Variants in PECR observed in about 807,000 individuals in gnomAD.
PECR encodes the protein peroxisomal trans-2-enoyl-CoA reductase.
PECR carries 30 observed loss-of-function variants against 35.3 expected under a neutral mutation model. The observed-to-expected ratio is 0.85, with a 90% CI of 0.64 to 1.15. The LOEUF (loss-of-function observed/expected upper bound fraction) is 1.15. PECR is among the 50% of genes most tolerant of loss of function. The pLI is 0.00. For missense variants in PECR, 392 were observed against 370.8 expected, an observed-to-expected ratio of 1.06 and a Z score of -0.47; for synonymous variants, 148 against 138.9, an observed-to-expected ratio of 1.07 and a Z score of -0.46.
At chr2:216,066,670 A>T in intron 1 of PECR, 152 bp from the exon 2 acceptor site, 1 of 743,442 alleles carries the variant, frequency 1.3e-6, no homozygotes, top group Admixed American at 2.1e-5. Context: ...AAAATATATC[A>T]TGTGTTCCAT....
At chr2:216,062,167 TC>T (rs1215554950) in intron 3 of PECR, among the ~76,000 whole-genome samples, 1 of 151,508 alleles carries the variant, frequency 6.6e-6, no homozygotes, top group Non-Finnish European at 1.5e-5. Context: ...TGCCTCAGCC[TC>T]CCAAGTAGCT....
At chr2:216,063,567 G>C (rs1460566573) in intron 3 of PECR, among the ~76,000 whole-genome samples, 1 of 151,924 alleles carries the variant, frequency 6.6e-6, no homozygotes, top group Non-Finnish European at 1.5e-5. Flanking sequence ...GCAGTGAGCA[G>C]AGATCACGCC....
chr2:216,062,636 T>C (rs1695378704), intron 3 of PECR, among the ~76,000 whole-genome samples: 2 of 152,096 alleles, frequency 1.3e-5, no homozygotes, highest in South Asian at 4.1e-4. Context: ...ATAAGTAATA[T>C]ATGGTCATAT....
intron 7 of PECR, among the ~76,000 whole-genome samples, chr2:216,040,289 G>T (rs1166780186): frequency 2.0e-5 from 3 of 152,036 alleles, no homozygotes; most frequent in East Asian, 1.9e-4. Flanking sequence ...TTGAGACAGG[G>T]TCTTGCTCTG....
At chr2:216,043,537 T>G (rs1294060807) in intron 7 of PECR, among the ~76,000 whole-genome samples, 1 of 152,172 alleles carries the variant, frequency 6.6e-6, no homozygotes, top group African/African-American at 2.4e-5. Context: ...GCCTGATTCT[T>G]CTGCTCAGAT....
At chr2:216,071,199 C>T (rs945495250) in intron 1 of PECR, among the ~76,000 whole-genome samples, 8 of 152,178 alleles carry the variant, frequency 5.3e-5, no homozygotes, top group Non-Finnish European at 8.8e-5. Flanking sequence ...CCTGCAAAAA[C>T]GCAAGCGTAC....
intron 5 of PECR, among the ~76,000 whole-genome samples, chr2:216,050,640 C>T (rs181663159): frequency 4.6e-5 from 7 of 152,156 alleles, no homozygotes; most frequent in African/African-American, 1.4e-4. Flanking sequence ...CAGTGGCTCA[C>T]GCCTGTAATC....
chr2:216,029,339 G>A (rs755978077), intron 7 of PECR, among the ~76,000 whole-genome samples: 3 of 152,148 alleles, frequency 2.0e-5, no homozygotes, highest in African/African-American at 4.8e-5. Context: ...TTAGCTGGGC[G>A]TGGTGGCGCG....
chr2:216,067,942 A>T (rs1477992972), intron 1 of PECR, among the ~76,000 whole-genome samples: 1 of 151,804 alleles, frequency 6.6e-6, no homozygotes, highest in Non-Finnish European at 1.5e-5. Context: ...ATAAAAACAG[A>T]CCCAGGCCGG....
chr2:216,042,477 A>T (rs1181964287), intron 7 of PECR, among the ~76,000 whole-genome samples: 2 of 152,224 alleles, frequency 1.3e-5, no homozygotes. Flanking sequence ...TCAACCATCT[A>T]TTAATTTGCT....
At chr2:216,060,923 A>T (rs1695327390) in intron 3 of PECR, among the ~76,000 whole-genome samples, 1 of 138,652 alleles carries the variant, frequency 7.2e-6, no homozygotes, top group Non-Finnish European at 1.6e-5. Context: ...ATGCCAATTA[A>T]TAAATAAATA....
intron 3 of PECR, among the ~76,000 whole-genome samples, chr2:216,062,052 ATTT>A (rs774207430): frequency 7.3e-6 from 1 of 137,186 alleles, no homozygotes. Context: ...TGCGTGGTGA[ATTT>A]TTTTTTTTTT....
rs1007754503 is a variant in PECR at position 216,061,524 on chromosome 2, C to T, written c.425-2548G>A. Among the ~76,000 whole-genome samples, 11 of 152,040 alleles carry T rather than the reference C, an allele frequency of 7.2e-5. No individual in the cohort carries two copies. In the East Asian group the frequency reaches 2.1e-3, roughly 29 times the overall value. ...TTAAGATGACCAATAGTAAAATCAC[C>T]TTAACAACAGACTTACAGGTGTAAT... is the stretch of plus-strand genomic sequence containing the variant. On this transcript the variant is annotated intron_variant, in intron 3 of 7. Coordinates refer to ENST00000265322, the MANE Select transcript of PECR (RefSeq NM_018441.6).
chr2:216,042,830 C>T (rs1398555357), intron 7 of PECR, among the ~76,000 whole-genome samples: 2 of 151,688 alleles, frequency 1.3e-5, no homozygotes, highest in Non-Finnish European at 2.9e-5. Flanking sequence ...GATCTTGGCT[C>T]ACTGCAATCT....
intron 7 of PECR, among the ~76,000 whole-genome samples, chr2:216,042,920 C>G (rs1372330621): frequency 6.9e-6 from 1 of 145,142 alleles, no homozygotes; most frequent in Non-Finnish European, 1.5e-5. Flanking sequence ...CCACACCCGA[C>G]TAACTGTTAT....
chr2:216,072,828 A>G (rs1695614757), intron 1 of PECR, among the ~76,000 whole-genome samples: 1 of 152,202 alleles, frequency 6.6e-6, no homozygotes, highest in South Asian at 2.1e-4. Context: ...TGATAAACAT[A>G]CTAGAGCAGG....
intron 7 of PECR, among the ~76,000 whole-genome samples, chr2:216,032,223 A>C (rs893524106): frequency 1.3e-5 from 2 of 152,250 alleles, no homozygotes; most frequent in African/African-American, 4.8e-5. Flanking sequence ...TTAGAACTAC[A>C]AACTCTGACT....
chr2:216,048,133 G>A (rs140200177), intron 6 of PECR, among the ~76,000 whole-genome samples: 5,495 of 151,732 alleles, frequency 0.036, 109 homozygotes, highest in Non-Finnish European at 0.042. Flanking sequence ...GGAGTGCAGT[G>A]GTGCAATCTC....
In PECR at chr2:216,077,296, A is replaced by G. The variant is rs564999197; in HGVS notation, c.124+4322T>C. On this transcript the variant is annotated intron_variant, in intron 1 of 7. Coordinates refer to ENST00000265322, the MANE Select transcript of PECR (RefSeq NM_018441.6). ...CCAAGGCAGGCGGAGCACAAGGTCA[A>G]GAGATCGAGACCATCCTGGCTAACA... Among the ~76,000 whole-genome samples the G allele has an allele frequency of 4.5e-3, 682 of 151,520 alleles. 8 individuals carry two copies. Among genetic ancestry groups the G allele is most frequent in the African/African-American group, 0.015 (640 of 41,314 alleles).
Sources: allele counts gnomAD v4.1 joint callset (sites outside exome capture counted in the v4.1 genomes callset), GRCh38; gene constraint gnomAD v4.1.1; transcripts MANE v1.5; gene names NCBI Gene and HGNC (gene_info 2026-07-23, HGNC 2026-07-21).